Variants in PSMD10 observed in about 807,000 individuals in gnomAD.
PSMD10 encodes proteasome 26S subunit, non-ATPase 10, also known as 26S proteasome non-ATPase regulatory subunit 10.
A neutral mutation model predicts 13.2 loss-of-function variants in PSMD10; 2 were observed. The observed-to-expected ratio is 0.15, with a 90% CI of 0.06 to 0.48. PSMD10 has a LOEUF of 0.48. PSMD10 is among the 20% of genes least tolerant of loss of function. The pLI is 0.97. For synonymous variants in PSMD10, 66 were observed against 64.4 expected (o/e 1.03, Z -0.12); for missense variants, 120 against 167.4 (o/e 0.72, Z 1.56).
chrX:108,087,589 C>T, intron 4 of PSMD10, 97 bp downstream of exon 4: 1 of 1,078,780 alleles, frequency 9.3e-7, no homozygotes, highest in East Asian at 3.1e-5. Flanking sequence ...ACACGTATTG[C>T]ATTTATAAGC....
At chrX:108,090,804 C>T (rs1354889353) in intron 1 of PSMD10, among the ~76,000 whole-genome samples, 1 of 112,558 alleles carries the variant, frequency 8.9e-6, no homozygotes, top group Non-Finnish European at 1.9e-5. Context: ...ACTCATTCCC[C>T]CATGGAAATC....
intron 3 of PSMD10, 27 bp downstream of exon 3, chrX:108,087,926 C>T (rs1569295766): frequency 2.5e-6 from 3 of 1,211,758 alleles, no homozygotes; most frequent in South Asian, 1.8e-5. Context: ...TAGAACTCAA[C>T]AGAAGTAGCC....
chrX:108,088,074 G>A lies in PSMD10; in HGVS notation c.239C>T (p.Ala80Val), dbSNP rs2031519456. Residue 80 changes from alanine to valine, a missense_variant, in exon 3 of 5, where the codon GCG (alanine) becomes GTG (valine). Transcript: ENST00000217958. The part of the protein sequence containing the change: ...DDAGWSPLHI[A>V]ASAGRDEIVK... ...AATCTCATCCCGGCCAGCAGAAGCCGCAATATGAAGAGGAGACCAACCTGC... is the reference window on the plus strand; with the variant it reads ...AATCTCATCCCGGCCAGCAGAAGCCACAATATGAAGAGGAGACCAACCTGC... 6 of 1,206,240 alleles carry A rather than the reference G, an allele frequency of 5.0e-6. No homozygotes were observed. The highest frequency in any genetic ancestry group is 1.8e-5 in the South Asian group (1 of 56,543).
In PSMD10 at chrX:108,088,012, C is replaced by T; in HGVS notation, c.301G>A (p.Ala101Thr). 8.3e-7 allele frequency: 1 copy of T among 1,210,735 alleles called. No homozygotes were observed. The highest frequency in any genetic ancestry group is 1.7e-5 in the African/African-American group (1 of 57,739). The stretch of plus-strand genomic sequence containing the variant: ...GGAGTACAGCCATTTTGATTGACAG[C>T]ATTCACTTGAGCACCTTTTCCCAGA... ...ALLGKGAQVNAVNQNGCTPLH... is the reference protein window; with the variant it reads ...ALLGKGAQVNTVNQNGCTPLH... Residue 101 changes from alanine to threonine, a missense_variant, in exon 3 of 5, where the codon GCT becomes ACT. Physicochemically the swap from Ala to Thr is moderately conservative, Grantham distance 58. Around this residue, in one of 3 missense-constraint regions of PSMD10, gnomAD observed 68 missense variants for 124.8 expected, o/e 0.54. Coordinates refer to ENST00000217958, the MANE Select transcript of PSMD10 (RefSeq NM_002814.4).
In PSMD10 at chrX:108,084,874, C is replaced by G; in HGVS notation, c.*100G>C. 1.1e-6 allele frequency: 1 copy of G among 949,274 alleles called. No homozygotes were observed. The highest frequency in any genetic ancestry group is 3.4e-5 in the South Asian group (1 of 29,747). The allele number at this position is 949,274 out of a possible 1,213,427, so 78.2% of individuals were successfully genotyped here. On this transcript the variant is annotated 3_prime_UTR_variant, in exon 5 of 5. Transcript: ENST00000217958. ...TTATAAGACTTTGAAGGTGAGAAAACTTCATCATTCATAGATGATGTCTTG... is the reference window on the plus strand; with the variant it reads ...TTATAAGACTTTGAAGGTGAGAAAAGTTCATCATTCATAGATGATGTCTTG...
rs780727553 is a variant in PSMD10 at position 108,088,861 on chromosome X, G to A, written c.115-11C>T. On this transcript the variant is annotated splice_polypyrimidine_tract_variant and intron_variant, in intron 1 of 4. Coordinates refer to ENST00000217958, the MANE Select transcript of PSMD10 (RefSeq NM_002814.4). Reference sequence around the variant, plus strand: ...TGCAGTTCTGCTGTCCTACAGAGAAGCAGTAATAGAAACATTCTTGAAATA... The same window carrying A: ...TGCAGTTCTGCTGTCCTACAGAGAAACAGTAATAGAAACATTCTTGAAATA... The A allele has an allele frequency of 4.3e-5, 48 of 1,121,418 alleles. 1 individual carries two copies. The highest frequency in any genetic ancestry group is 1.2e-5 in the Non-Finnish European group (10 of 833,926). 92.4% of individuals were successfully genotyped at this position (1,121,418 alleles called of 1,213,427 possible).
chrX:108,088,703 T>A, intron 2 of PSMD10, 49 bp downstream of exon 2: 1 of 1,041,679 alleles, frequency 9.6e-7, no homozygotes. Context: ...CAGTCTGGAG[T>A]ACAAAGATAA....
chrX:108,088,880 TG>T, intron 1 of PSMD10, 30 bp from the exon 2 acceptor site: 1 of 1,072,576 alleles, frequency 9.3e-7, no homozygotes, highest in African/African-American at 2.0e-5. Context: ...GAAACATTCT[TG>T]AAATAGAAGG....
chrX:108,089,421 G>A (rs906709855), intron 1 of PSMD10, among the ~76,000 whole-genome samples: 10 of 111,786 alleles, frequency 8.9e-5, no homozygotes, highest in African/African-American at 3.3e-4. Context: ...AATCTAATGG[G>A]GGAAGAAATG....
At chrX:108,088,317 T>G (rs2031523272) in intron 2 of PSMD10, among the ~76,000 whole-genome samples, 1 of 112,506 alleles carries the variant, frequency 8.9e-6, no homozygotes, top group South Asian at 3.6e-4. Flanking sequence ...TCCTCATTAT[T>G]CAGGCCATGT....
chrX:108,091,484 G>A lies in PSMD10; in HGVS notation c.37C>T (p.Leu13=), dbSNP rs1422204248. 2.9e-5 allele frequency: 35 copies of A among 1,211,276 alleles called. No individual in the cohort carries two copies. Among genetic ancestry groups the A allele is most frequent in the Non-Finnish European group, 3.8e-5 (34 of 895,403 alleles). ...TCTTCCAGCTTCCCGCTGTAGGCCA[G>A]GTTGCAGACCATTAGGTTAGACACA... ...GCVSNLMVCN[L]AYSGKLEELK... is the part of the protein sequence containing the mutation. The change falls in exon 1 of 5, where the codon CTG becomes TTG. Residue 13 remains leucine, a synonymous_variant. Coordinates refer to ENST00000217958, the MANE Select transcript of PSMD10 (RefSeq NM_002814.4).
In PSMD10 at chrX:108,087,990, G is replaced by A. The variant is rs755896440; in HGVS notation, c.323C>T (p.Thr108Ile). The A allele has an allele frequency of 8.3e-7, 1 of 1,211,307 alleles. No individual in the cohort carries two copies. The highest frequency in any genetic ancestry group is 1.1e-6 in the Non-Finnish European group (1 of 895,077). ...QVNAVNQNGC[T>I]PLHYAASKNR... is the part of the protein sequence containing the mutation. ...TTTCGAAGCTGCATAATGTAAGGGAGTACAGCCATTTTGATTGACAGCATT... is the reference window on the plus strand; with the variant it reads ...TTTCGAAGCTGCATAATGTAAGGGAATACAGCCATTTTGATTGACAGCATT... The change falls in exon 3 of 5, where the codon ACT becomes ATT. Residue 108 changes from threonine (T) to isoleucine (I), a missense_variant. By Grantham distance (89) the Thr-to-Ile change is moderately conservative. This residue lies in a region of PSMD10 where 68 missense variants were observed against 124.8 expected (regional missense o/e 0.54). Coordinates refer to ENST00000217958, the MANE Select transcript of PSMD10 (RefSeq NM_002814.4).
intron 1 of PSMD10, 129 bp from the exon 2 acceptor site, chrX:108,088,979 C>A: frequency 2.3e-6 from 1 of 441,694 alleles, no homozygotes. Context: ...AGGTAGGTAA[C>A]CTTAAACTAT....
In PSMD10 at chrX:108,084,599, A is replaced by G; in HGVS notation, c.*375T>C. 8.0e-6 allele frequency: 1 copy of G among 124,849 alleles called. No individual in the cohort carries two copies. The highest frequency in any genetic ancestry group is 1.6e-5 in the Non-Finnish European group (1 of 60,735). The allele number at this position is 124,849 out of a possible 1,213,427, so 10.3% of individuals were successfully genotyped here. A position where few individuals can be genotyped will look rare whatever the true frequency, so the allele number is the denominator to read the frequency against. On this transcript the variant is annotated 3_prime_UTR_variant, in exon 5 of 5. Transcript: ENST00000217958. ...TGTATGGAGGAACATTACAGAATCC[A>G]CATAGAAACATCTGGCAGAACAACT...
At chrX:108,090,054 C>T (rs2031558785) in intron 1 of PSMD10, among the ~76,000 whole-genome samples, 2 of 111,818 alleles carry the variant, frequency 1.8e-5, no homozygotes, top group Non-Finnish European at 3.8e-5. Context: ...AAACATCTTG[C>T]CCTATTTGCT....
intron 1 of PSMD10, 50 bp from the exon 2 acceptor site, chrX:108,088,900 CAAGA>C (rs2031530554): frequency 1.0e-6 from 1 of 969,734 alleles, no homozygotes. Context: ...GGCAAAAAAG[CAAGA>C]AAAAAAATAC....
chrX:108,091,512 C>G lies in PSMD10; in HGVS notation c.9G>C (p.Gly3=), dbSNP rs749763253. Residue 3 remains glycine (G), a synonymous_variant, in exon 1 of 5, where the codon GGG becomes GGC. Transcript: ENST00000217958. ...TGCAGACCATTAGGTTAGACACACA[C>G]CCCTCCATTTCGCTGTCCCAGCAAC... ME[G]CVSNLMVCNL... is the part of the protein sequence containing the mutation. 3 of 1,209,680 alleles carry G rather than the reference C, an allele frequency of 2.5e-6. No homozygotes were observed. The African/African-American group carries it at 5.2e-5, about 21-fold the overall frequency.
At chrX:108,091,367 C>G in intron 1 of PSMD10, 40 bp downstream of exon 1, 2 of 1,166,295 alleles carry the variant, frequency 1.7e-6, no homozygotes, top group Non-Finnish European at 2.3e-6. Flanking sequence ...TAGGGCTTCG[C>G]CGACGTCGCC....
intron 1 of PSMD10, among the ~76,000 whole-genome samples, chrX:108,090,299 G>C (rs1271965612): frequency 1.8e-5 from 2 of 111,950 alleles, no homozygotes; most frequent in African/African-American, 3.2e-5. Context: ...GTTTAAATCA[G>C]GAACCAGACG....
Sources: gnomAD v4.1 joint callset for allele counts (sites outside exome capture counted in the v4.1 genomes callset) on GRCh38, gnomAD v4.1.1 for gene constraint, gnomAD v4.1.1 regional missense constraint, MANE v1.5 for transcripts, NCBI Gene and HGNC (gene_info 2026-07-23, HGNC 2026-07-21) for gene names.